Variants in TRAM1 observed in about 807,000 individuals in gnomAD.
TRAM1 encodes the protein translocating chain-associated membrane protein 1.
A neutral mutation model predicts 48.7 loss-of-function variants in TRAM1; 17 were observed. The ratio of observed to expected loss-of-function variants is 0.35; its 90% confidence interval spans 0.24 to 0.52. The LOEUF (loss-of-function observed/expected upper bound fraction) is 0.52, where lower values mean the gene tolerates loss of function less well. Ranked by LOEUF, TRAM1 falls within the 20% of genes least tolerant of loss-of-function variation. TRAM1 has a pLI of 0.94. For missense variants in TRAM1, 351 were observed against 441.5 expected (o/e 0.79, Z 1.84); for synonymous variants, 182 against 154.0 (o/e 1.18, Z -1.34).
At chr8:70,599,923 G>A (rs188227158) in intron 2 of TRAM1, 96 bp downstream of exon 2, 9 of 874,562 alleles carry the variant, frequency 1.0e-5, no homozygotes, top group Admixed American at 9.9e-5. Context: ...GATCTCTGAC[G>A]ATTAATTAAC....
intron 8 of TRAM1, among the ~76,000 whole-genome samples, chr8:70,585,133 A>C (rs1298725083): frequency 3.9e-5 from 6 of 152,248 alleles, no homozygotes. Flanking sequence ...CTGCATATCT[A>C]CAACCATCTG....
At chr8:70,577,979 C>T (rs545080482) in intron 10 of TRAM1, among the ~76,000 whole-genome samples, 9 of 152,338 alleles carry the variant, frequency 5.9e-5, no homozygotes, top group African/African-American at 1.2e-4. Flanking sequence ...TCTGGCTGTG[C>T]GCAGTGGCTA....
chr8:70,599,088 T>C (rs1187027191), intron 2 of TRAM1, among the ~76,000 whole-genome samples: 1 of 152,046 alleles, frequency 6.6e-6, no homozygotes, highest in Non-Finnish European at 1.5e-5. Flanking sequence ...TGAGACTCCA[T>C]CTCTATAGTA....
intron 6 of TRAM1, among the ~76,000 whole-genome samples, chr8:70,590,149 A>C (rs1457258031): frequency 6.6e-6 from 1 of 151,980 alleles, no homozygotes; most frequent in Non-Finnish European, 1.5e-5. Context: ...TGTAAAAAAA[A>C]AAAAAAACTA....
rs1391722559 is a variant in TRAM1 at position 70,576,069 on chromosome 8, T to TAA, written c.1052-1066_1052-1065dup. 1.1e-3 allele frequency among the ~76,000 whole-genome samples: 46 copies of TAA among 40,074 alleles called. 1 individual carries two copies. Among genetic ancestry groups the TAA allele is most frequent in the African/African-American group, 2.4e-3 (29 of 11,872 alleles). The allele number at this position is 40,074 out of a possible 152,430, so 26.3% of individuals were successfully genotyped here. Reference sequence around the variant, plus strand: ...GTGGGCAACAGAGCTAGACTCCATCTAAAAAAAAAAGAAAAAAAAAAAAAA... The same window carrying TAA: ...GTGGGCAACAGAGCTAGACTCCATCTAAAAAAAAAAAAGAAAAAAAAAAAAAA... On this transcript the variant is annotated intron_variant, in intron 10 of 10. Transcript: ENST00000262213.
chr8:70,575,020 G>T lies in TRAM1; in HGVS notation c.1052-15C>A, dbSNP rs140925290. ...CACACCATTTTCTGCAAAAAGAAAA[G>T]AATCCATGTTACTCTCTTTTATAAA... On this transcript the variant is annotated splice_polypyrimidine_tract_variant and intron_variant, in intron 10 of 10. Transcript: ENST00000262213. 24 of 1,573,520 alleles carry T rather than the reference G, an allele frequency of 1.5e-5. No homozygotes were observed. In the African/African-American group the frequency reaches 3.1e-4, roughly 20 times the overall value.
chr8:70,602,566 G>C (rs1817626894), intron 1 of TRAM1, among the ~76,000 whole-genome samples: 1 of 152,152 alleles, frequency 6.6e-6, no homozygotes, highest in Admixed American at 6.5e-5. Context: ...ATCCGTGCTT[G>C]ATAAACTTTT....
chr8:70,586,596 C>A (rs1817226527), intron 8 of TRAM1, among the ~76,000 whole-genome samples: 1 of 152,048 alleles, frequency 6.6e-6, no homozygotes, highest in Admixed American at 6.6e-5. Flanking sequence ...GAGTTCACTT[C>A]TCTATCACTC....
chr8:70,575,286 C>A (rs1816922404), intron 10 of TRAM1, among the ~76,000 whole-genome samples: 1 of 152,206 alleles, frequency 6.6e-6, no homozygotes. Flanking sequence ...AAGAGAAATA[C>A]CTTCTGTAGA....
At chr8:70,581,203 T>A (rs931008034) in intron 10 of TRAM1, among the ~76,000 whole-genome samples, 17 of 152,146 alleles carry the variant, frequency 1.1e-4, no homozygotes, top group Non-Finnish European at 2.4e-4. Context: ...CTGGGCAACA[T>A]AGCAAGATCC....
intron 4 of TRAM1, among the ~76,000 whole-genome samples, chr8:70,597,543 G>A (rs1020732199): frequency 6.6e-5 from 10 of 151,460 alleles, no homozygotes; most frequent in African/African-American, 1.2e-4. Flanking sequence ...GGTGGCGTGC[G>A]TCTGTAGTCC....
At position 70,598,158 on chromosome 8, in the gene TRAM1, G is replaced by A. The variant is rs779414588; in HGVS notation, c.285C>T (p.Ala95=). 1.1e-5 allele frequency: 18 copies of A among 1,612,520 alleles called. No homozygotes were observed. Among genetic ancestry groups the A allele is most frequent in the East Asian group, 4.5e-5 (2 of 44,740 alleles). Residue 95 remains alanine (A), a synonymous_variant, in exon 3 of 11, where the codon GCC becomes GCT. Coordinates refer to ENST00000262213, the MANE Select transcript of TRAM1 (RefSeq NM_014294.6). ...FYMLVAIIIH[A]VIQEYMLDKI... ...CATCCAACATATACTCTTGAATTAC[G>A]GCATGAATAATTATCGCCACTAGCA... is the stretch of plus-strand genomic sequence containing the variant.
At position 70,587,073 on chromosome 8, in the gene TRAM1, C is replaced by T. The variant is rs748528412; in HGVS notation, c.641+33G>A. 28 of 1,612,880 alleles carry T rather than the reference C, an allele frequency of 1.7e-5. No homozygotes were observed. The South Asian group carries it at 3.0e-4, about 17-fold the overall frequency. On this transcript the variant is annotated intron_variant, in intron 7 of 10. Transcript: ENST00000262213. The stretch of plus-strand genomic sequence containing the variant: ...CAGGTCAGCATACTATCTGCCCAGC[C>T]TACTTACACACCCATGAAATATCCC...
At chr8:70,583,845 C>G (rs371644571) in intron 8 of TRAM1, 52 bp from the exon 9 acceptor site, 1 of 1,512,324 alleles carries the variant, frequency 6.6e-7, no homozygotes, top group East Asian at 2.4e-5. Context: ...AAACAAGATT[C>G]TATTAGAAAT....
In TRAM1 at chr8:70,607,315, C is replaced by T. The variant is rs905465343; in HGVS notation, c.123+762G>A. 13 of 985,292 alleles carry T rather than the reference C, an allele frequency of 1.3e-5. No homozygotes were observed. The South Asian group carries it at 3.3e-4, about 25-fold the overall frequency. The allele number at this position is 985,292 out of a possible 1,614,324, so 61.0% of individuals were successfully genotyped here. A position where few individuals can be genotyped will look rare whatever the true frequency, so the allele number is the denominator to read the frequency against. ...TCTCCTACTTCAAGAAACAAAATTA[C>T]TCGATTCCTTGGCACCGCTGTTCAG... is the stretch of plus-strand genomic sequence containing the variant. On this transcript the variant is annotated intron_variant, in intron 1 of 10. Transcript: ENST00000262213.
intron 6 of TRAM1, 139 bp downstream of exon 6, chr8:70,594,367 G>A (rs1192997846): frequency 1.4e-5 from 6 of 415,950 alleles, no homozygotes; most frequent in African/African-American, 2.1e-5. Context: ...AAGAGGGTTG[G>A]TGGGAGAATG....
rs561422478 is a variant in TRAM1, at chr8:70,605,878, G to A, written c.123+2199C>T. 2.4e-4 allele frequency among the ~76,000 whole-genome samples: 37 copies of A among 152,266 alleles called. 2 individuals are homozygous for A. The South Asian group carries it at 7.0e-3, about 29-fold the overall frequency. The stretch of plus-strand genomic sequence containing the variant: ...CTGTTTAAAAAAATCACTAACATGT[G>A]AGGCAAGGTATAGGTGGTGGACTTC... On this transcript the variant is annotated intron_variant, in intron 1 of 10. Coordinates refer to ENST00000262213, the MANE Select transcript of TRAM1 (RefSeq NM_014294.6).
Position 70,593,192 on chromosome 8 carries a change from GTGC to G in TRAM1, c.570+1311_570+1313del, listed in dbSNP as rs1335439812. On this transcript the variant is annotated intron_variant, in intron 6 of 10. Coordinates refer to ENST00000262213, the MANE Select transcript of TRAM1 (RefSeq NM_014294.6). ...ACCATAGCATATGGCCTTTAATTTGGTGCTGTTTTCTAATCCTAGCAGACAACA... is the reference window on the plus strand; with the variant it reads ...ACCATAGCATATGGCCTTTAATTTGGTGTTTTCTAATCCTAGCAGACAACA... 2.6e-4 allele frequency among the ~76,000 whole-genome samples: 40 copies of G among 152,168 alleles called. 1 individual carries two copies. The highest frequency in any genetic ancestry group is 2.6e-3 in the Admixed American group (39 of 15,292).
rs1300222179 is a variant in TRAM1, at chr8:70,591,594, C to T, written c.570+2912G>A. Among the ~76,000 whole-genome samples the T allele has an allele frequency of 2.6e-5, 4 of 152,108 alleles. No homozygotes were observed. The East Asian group carries it at 5.8e-4, about 22-fold the overall frequency. ...AACATCTGTTTATTAAAAAATATAA[C>T]ATACTTCAAAAAATTTATTTTTATA... is the stretch of plus-strand genomic sequence containing the variant. On this transcript the variant is annotated intron_variant, in intron 6 of 10. Transcript: ENST00000262213.
Sources: gnomAD v4.1 joint callset for allele counts (sites outside exome capture counted in the v4.1 genomes callset) on GRCh38, gnomAD v4.1.1 for gene constraint, MANE v1.5 for transcripts, NCBI Gene and HGNC (gene_info 2026-07-23, HGNC 2026-07-21) for gene names.